The following CFAP54 variants were observed in gnomAD, a reference collection of about 807,000 sequenced individuals.
CFAP54 encodes cilia and flagella associated protein 54.
In CFAP54, 290 loss-of-function variants were observed where a neutral mutation model predicts 370.4. The ratio of observed to expected loss-of-function variants is 0.78; its 90% confidence interval spans 0.71 to 0.86. The LOEUF is 0.86. CFAP54 is among the 40% of genes least tolerant of loss of function. The probability of loss-of-function intolerance (pLI) is 0.00; values close to 1 mark genes in which losing one functional copy is unlikely to be tolerated. For missense variants in CFAP54, 3,399 were observed against 3,528.7 expected, an observed-to-expected ratio of 0.96 and a Z score of 0.93; for synonymous variants, 1,206 against 1,236.5, an observed-to-expected ratio of 0.98 and a Z score of 0.52.
Position 96,630,564 on chromosome 12 carries a change from A to G in CFAP54, c.4229A>G (p.Gln1410Arg). ...TCCTCTATTAAGAGTGCAGAAATGC[A>G]ACAAAGAATAAGAAGTAAAAAAAAG... ...VMEIGRSAEM[Q>R]QRIRSKKKET... Residue 1410 changes from glutamine to arginine, a missense_variant, in exon 32 of 68, where the codon CAA becomes CGA. Physicochemically the swap from Gln to Arg is conservative, Grantham distance 43. This residue lies in a region of CFAP54 where 2,796 missense variants were observed against 2,869.7 expected (regional missense o/e 0.97). Coordinates refer to ENST00000524981, the MANE Select transcript of CFAP54 (RefSeq NM_001306084.2). 5.5e-6 allele frequency: 8 copies of G among 1,465,510 alleles called. No individual in the cohort carries two copies. Among genetic ancestry groups the G allele is most frequent in the Admixed American group, 4.9e-5 (2 of 40,556 alleles). The allele number at this position is 1,465,510 out of a possible 1,614,324, so 90.8% of individuals were successfully genotyped here. A position where few individuals can be genotyped will look rare whatever the true frequency, so the allele number is the denominator to read the frequency against.
chr12:96,815,665 G>GAAAA (rs1958967680), intron 64 of CFAP54, among the ~76,000 whole-genome samples: 1 of 152,070 alleles, frequency 6.6e-6, no homozygotes, highest in African/African-American at 2.4e-5. Context: ...GTATTGCCTA[G>GAAAA]GTTTTCTTTT....
intron 38 of CFAP54, among the ~76,000 whole-genome samples, chr12:96,662,685 C>T (rs1030468997): frequency 1.3e-5 from 2 of 152,086 alleles, no homozygotes; most frequent in African/African-American, 4.8e-5. Flanking sequence ...TCTCCAGTAA[C>T]TCCTGTCCTA....
chr12:96,560,213 A>G (rs1311049328), intron 17 of CFAP54, among the ~76,000 whole-genome samples: 1 of 152,168 alleles, frequency 6.6e-6, no homozygotes, highest in Non-Finnish European at 1.5e-5. Flanking sequence ...TGAACACTGG[A>G]ACTTTTTTCT....
chr12:96,579,731 G>C (rs985519162), intron 20 of CFAP54, among the ~76,000 whole-genome samples: 2 of 151,978 alleles, frequency 1.3e-5, no homozygotes, highest in African/African-American at 4.8e-5. Context: ...CTTTTTCTCT[G>C]TAGGGAGAAT....
chr12:96,866,750 C>G (rs1380700067), intron 67 of CFAP54, among the ~76,000 whole-genome samples: 1 of 152,126 alleles, frequency 6.6e-6, no homozygotes, highest in Non-Finnish European at 1.5e-5. Context: ...CTACAAAATA[C>G]TGAAAGGTGA....
In CFAP54 at chr12:96,554,248, T is replaced by C. The variant is rs1227051902; in HGVS notation, c.2221T>C (p.Leu741=). The C allele has an allele frequency of 6.5e-7, 1 of 1,528,894 alleles. No individual in the cohort carries two copies. The highest frequency in any genetic ancestry group is 2.5e-5 in the East Asian group (1 of 40,514). 94.7% of individuals were successfully genotyped at this position (1,528,894 alleles called of 1,614,324 possible). A position where few individuals can be genotyped will look rare whatever the true frequency, so the allele number is the denominator to read the frequency against. ...LLDRAIGGIN[L]NCMLTSLPNG... ...TGACAGAGCAATCGGTGGAATAAAT[T>C]TGAATTGCATGTTAACCTCTTTGCC... The change falls in exon 16 of 68, where the codon TTG becomes CTG. Residue 741 remains leucine, a synonymous_variant. Transcript: ENST00000524981.
At chr12:96,818,261 A>G (rs779852778) in intron 65 of CFAP54, among the ~76,000 whole-genome samples, 16 of 152,260 alleles carry the variant, frequency 1.1e-4, no homozygotes, top group Non-Finnish European at 2.4e-4. Flanking sequence ...TATTTCCCAA[A>G]TAATATGTGA....
chr12:96,514,250 A>G (rs1955206276), intron 5 of CFAP54, among the ~76,000 whole-genome samples: 1 of 152,216 alleles, frequency 6.6e-6, no homozygotes, highest in South Asian at 2.1e-4. Context: ...CTCAAAGCAT[A>G]GCCAAGTATC....
At chr12:96,772,041 G>A (rs1359045106) in intron 60 of CFAP54, among the ~76,000 whole-genome samples, 1 of 152,208 alleles carries the variant, frequency 6.6e-6, no homozygotes, top group East Asian at 1.9e-4. Context: ...TTAAAGATCA[G>A]ATTACATTGG....
chr12:96,684,857 A>G, intron 41 of CFAP54, 122 bp downstream of exon 41: 1 of 964,296 alleles, frequency 1.0e-6, no homozygotes, highest in Non-Finnish European at 1.6e-6. Flanking sequence ...CTACATTGCT[A>G]CATTTTATTC....
chr12:96,687,009 C>A (rs2371227), intron 42 of CFAP54, among the ~76,000 whole-genome samples: 131,632 of 151,862 alleles, frequency 0.87, 57,373 homozygotes, highest in East Asian at 0.95. Flanking sequence ...TGAGAAGCTG[C>A]TTCCTTATCT....
chr12:96,861,879 A>G (rs1157053958), intron 67 of CFAP54, among the ~76,000 whole-genome samples: 1 of 152,228 alleles, frequency 6.6e-6, no homozygotes, highest in South Asian at 2.1e-4. Context: ...AAAATGCCAC[A>G]TGTGAATACT....
chr12:96,840,737 C>A (rs1959208361), intron 66 of CFAP54, among the ~76,000 whole-genome samples: 1 of 150,878 alleles, frequency 6.6e-6, no homozygotes, highest in African/African-American at 2.4e-5. Context: ...TGAAGAGTAT[C>A]CTTTGTATGT....
At chr12:96,574,024 T>C (rs898450498) in intron 19 of CFAP54, among the ~76,000 whole-genome samples, 1 of 152,202 alleles carries the variant, frequency 6.6e-6, no homozygotes, top group Non-Finnish European at 1.5e-5. Context: ...TGTCAACCAT[T>C]TCCAATAAAA....
At chr12:96,783,015 T>C (rs1446321971) in intron 60 of CFAP54, among the ~76,000 whole-genome samples, 4 of 152,196 alleles carry the variant, frequency 2.6e-5, no homozygotes, top group African/African-American at 9.6e-5. Context: ...AACAGCCACC[T>C]GCATTAGCCT....
chr12:96,829,094 T>C lies in CFAP54; in HGVS notation c.9171+6T>C, dbSNP rs1959160127. 3.4e-6 allele frequency: 5 copies of C among 1,458,766 alleles called. No individual in the cohort carries two copies. The highest frequency in any genetic ancestry group is 1.4e-5 in the African/African-American group (1 of 71,394). 90.4% of individuals were successfully genotyped at this position (1,458,766 alleles called of 1,614,324 possible). A position where few individuals can be genotyped will look rare whatever the true frequency, so the allele number is the denominator to read the frequency against. On this transcript the variant is annotated splice_donor_region_variant and intron_variant, in intron 66 of 67. Transcript: ENST00000524981. Reference sequence around the variant, plus strand: ...AGCCAACACCACTATCTGAGGTATGTATTTCTCCTTTAAAATTGTATCTAA... The same window carrying C: ...AGCCAACACCACTATCTGAGGTATGCATTTCTCCTTTAAAATTGTATCTAA...
intron 59 of CFAP54, among the ~76,000 whole-genome samples, chr12:96,764,593 G>A (rs549547374): frequency 6.2e-4 from 94 of 152,130 alleles, no homozygotes; most frequent in Non-Finnish European, 1.1e-3. Flanking sequence ...TGCACTCCAG[G>A]CTGGGGAACA....
intron 17 of CFAP54, among the ~76,000 whole-genome samples, chr12:96,563,183 T>A (rs1955833609): frequency 6.6e-6 from 1 of 152,164 alleles, no homozygotes; most frequent in African/African-American, 2.4e-5. Context: ...ACCAAATGAG[T>A]TTTGATCATA....
At chr12:96,653,806 CAAT>C (rs1956888760) in intron 36 of CFAP54, among the ~76,000 whole-genome samples, 1 of 147,946 alleles carries the variant, frequency 6.8e-6, no homozygotes, top group Non-Finnish European at 1.5e-5. Context: ...AAAGCAAAAA[CAAT>C]AAAGTCAAAA....
Sources: allele counts gnomAD v4.1 joint callset (sites outside exome capture counted in the v4.1 genomes callset), GRCh38; gene constraint gnomAD v4.1.1; regional missense constraint gnomAD v4.1.1; transcripts MANE v1.5; gene names NCBI Gene and HGNC (gene_info 2026-07-23, HGNC 2026-07-21).